DSCAM: variants seen among roughly 807,000 people sequenced by gnomAD.
The protein encoded by DSCAM is cell adhesion molecule DSCAM.
DSCAM carries 47 observed loss-of-function variants against 217.7 expected under a neutral mutation model. The observed-to-expected ratio is 0.22, with a 90% CI of 0.17 to 0.28. The LOEUF (loss-of-function observed/expected upper bound fraction) is 0.28, where lower values mean the gene tolerates loss of function less well. Among genes scored for constraint, DSCAM ranks in the 10% least tolerant of loss-of-function variants. The probability of loss-of-function intolerance (pLI) is 1.00; values close to 1 mark genes in which losing one functional copy is unlikely to be tolerated. For missense variants in DSCAM, 2,080 were observed against 2,618.3 expected (o/e 0.79, Z 4.49); for synonymous variants, 1,056 against 1,015.3 (o/e 1.04, Z -0.76).
chr21:40,156,064 A>G (rs202088149), intron 16 of DSCAM, among the ~76,000 whole-genome samples: 1 of 133,428 alleles, frequency 7.5e-6, no homozygotes, highest in Non-Finnish European at 1.6e-5. Context: ...TATATATAAT[A>G]TAATTTATAT....
intron 3 of DSCAM, chr21:40,629,786 A>G (rs1301478332): frequency 6.6e-6 from 1 of 152,182 alleles, no homozygotes; most frequent in Non-Finnish European, 1.5e-5. Context: ...CCAGAGTATA[A>G]AACTTCCATG....
intron 3 of DSCAM, among the ~76,000 whole-genome samples, chr21:40,559,347 A>G (rs1427940894): frequency 2.0e-5 from 3 of 151,852 alleles, no homozygotes; most frequent in African/African-American, 7.3e-5. Flanking sequence ...AGTCCCAGCT[A>G]CTGGGGAGGC....
At chr21:40,614,770 C>A (rs1038558796) in intron 3 of DSCAM, among the ~76,000 whole-genome samples, 2 of 152,030 alleles carry the variant, frequency 1.3e-5, no homozygotes, top group Admixed American at 1.3e-4. Flanking sequence ...TTCCATGATG[C>A]AGAAGAATAT....
At chr21:40,605,386 T>TC (rs557093110) in intron 3 of DSCAM, among the ~76,000 whole-genome samples, 48 of 152,214 alleles carry the variant, frequency 3.2e-4, no homozygotes, top group Non-Finnish European at 6.3e-4. Context: ...CAGCTTTTTT[T>TC]CATGTTATGA....
At position 40,737,347 on chromosome 21, in the gene DSCAM, A is replaced by T. The variant is rs567919140; in HGVS notation, c.44-28576T>A. Among the ~76,000 whole-genome samples, 1,055 of 152,234 alleles carry T rather than the reference A, an allele frequency of 6.9e-3. 15 individuals carry two copies. Among genetic ancestry groups the T allele is most frequent in the African/African-American group, 0.024 (1,006 of 41,534 alleles). On this transcript the variant is annotated intron_variant, in intron 1 of 32. Coordinates refer to ENST00000400454, the MANE Select transcript of DSCAM (RefSeq NM_001389.5). ...TTACTGGAGAGGTTTGCTTTTAAAA[A>T]CTCAGCAACCGGCCGGACAGTGGCT...
At chr21:40,718,653 T>A (rs2090869243) in intron 1 of DSCAM, among the ~76,000 whole-genome samples, 1 of 152,060 alleles carries the variant, frequency 6.6e-6, no homozygotes, top group African/African-American at 2.4e-5. Context: ...CAAGATGAGA[T>A]TTGGGTGAGG....
intron 3 of DSCAM, among the ~76,000 whole-genome samples, chr21:40,596,079 T>G (rs909653074): frequency 2.0e-5 from 3 of 152,168 alleles, no homozygotes; most frequent in African/African-American, 7.2e-5. Context: ...TCTGCAGTGG[T>G]TTGCTGAGCC....
At chr21:40,842,474 A>G (rs1409395675) in intron 1 of DSCAM, among the ~76,000 whole-genome samples, 3 of 152,248 alleles carry the variant, frequency 2.0e-5, no homozygotes, top group Non-Finnish European at 2.9e-5. Flanking sequence ...CGAAACCTGG[A>G]TGCCACATTT....
At chr21:40,228,309 G>A (rs1365351137) in intron 11 of DSCAM, among the ~76,000 whole-genome samples, 1 of 152,124 alleles carries the variant, frequency 6.6e-6, no homozygotes, top group African/African-American at 2.4e-5. Context: ...CATAAGGAGT[G>A]AGAGTTATGC....
rs149499715 is a variant in DSCAM at position 40,706,902 on chromosome 21, T to C, written c.361+1552A>G. Among the ~76,000 whole-genome samples the C allele has an allele frequency of 5.3e-5, 8 of 152,322 alleles. No individual in the cohort carries two copies. In the East Asian group the frequency reaches 1.5e-3, roughly 29 times the overall value. Reference sequence around the variant, plus strand: ...ATACAGTAGTCATCCATATGCTGGATTCATAGTCCATAGGGTTTCAGATGT... The same window carrying C: ...ATACAGTAGTCATCCATATGCTGGACTCATAGTCCATAGGGTTTCAGATGT... On this transcript the variant is annotated intron_variant, in intron 2 of 32. Transcript: ENST00000400454.
intron 26 of DSCAM, among the ~76,000 whole-genome samples, chr21:40,077,474 C>T (rs1274729793): frequency 6.6e-6 from 1 of 152,152 alleles, no homozygotes; most frequent in Non-Finnish European, 1.5e-5. Flanking sequence ...TTCTGTGGGT[C>T]CTTAGGTTCA....
intron 18 of DSCAM, among the ~76,000 whole-genome samples, chr21:40,141,870 T>C (rs532047503): frequency 1.3e-5 from 2 of 152,134 alleles, no homozygotes; most frequent in Admixed American, 1.3e-4. Flanking sequence ...CACTGAGGTG[T>C]TGCTGCAAGA....
In DSCAM at chr21:40,726,125, G is replaced by C. The variant is rs191499948; in HGVS notation, c.44-17354C>G. Among the ~76,000 whole-genome samples the C allele has an allele frequency of 9.4e-4, 143 of 152,134 alleles. 1 individual carries two copies. Among genetic ancestry groups the C allele is most frequent in the African/African-American group, 3.3e-3 (139 of 41,506 alleles). ...AAGGCTCCTGGAGAGATGTTTCCAG[G>C]AAAAAAATAAACATTCAAGCACGCT... On this transcript the variant is annotated intron_variant, in intron 1 of 32. Coordinates refer to ENST00000400454, the MANE Select transcript of DSCAM (RefSeq NM_001389.5).
chr21:40,550,952 A>G (rs951751203), intron 3 of DSCAM, among the ~76,000 whole-genome samples: 4 of 152,262 alleles, frequency 2.6e-5, no homozygotes, highest in African/African-American at 9.6e-5. Flanking sequence ...GCTGAGACTC[A>G]GCTACTTGTT....
At chr21:40,305,581 G>C (rs541867140) in intron 9 of DSCAM, among the ~76,000 whole-genome samples, 1 of 152,052 alleles carries the variant, frequency 6.6e-6, no homozygotes, top group Non-Finnish European at 1.5e-5. Flanking sequence ...TAGGTCTAAG[G>C]TTTAAGTCTT....
chr21:40,110,148 C>T (rs1490631719), intron 20 of DSCAM, among the ~76,000 whole-genome samples: 1 of 152,202 alleles, frequency 6.6e-6, no homozygotes, highest in East Asian at 1.9e-4. Context: ...CCCGAGTAGC[C>T]TAACTGGGAG....
At chr21:40,401,091 T>C (rs2075229209) in intron 3 of DSCAM, among the ~76,000 whole-genome samples, 1 of 152,244 alleles carries the variant, frequency 6.6e-6, no homozygotes, top group African/African-American at 2.4e-5. Flanking sequence ...AGGATCACCT[T>C]GGTTCATACT....
At chr21:40,338,068 G>C (rs1487932159) in intron 8 of DSCAM, 33 bp downstream of exon 8, 15 of 1,606,422 alleles carry the variant, frequency 9.3e-6, no homozygotes, top group Non-Finnish European at 1.3e-5. Context: ...GCTATGGAAT[G>C]AGTTGTGTGG....
intron 3 of DSCAM, among the ~76,000 whole-genome samples, chr21:40,418,551 C>A (rs996576156): frequency 6.6e-6 from 1 of 152,128 alleles, no homozygotes; most frequent in Non-Finnish European, 1.5e-5. Flanking sequence ...CAAAGCAAGC[C>A]TTCTTTTGCT....
Sources: allele counts gnomAD v4.1 joint callset (sites outside exome capture counted in the v4.1 genomes callset), GRCh38; gene constraint gnomAD v4.1.1; transcripts MANE v1.5; gene names NCBI Gene and HGNC (gene_info 2026-07-23, HGNC 2026-07-21).